SPEN: variants seen among roughly 807,000 people sequenced by gnomAD.
SPEN encodes the protein msx2-interacting protein.
In SPEN, 18 loss-of-function variants were observed where a neutral mutation model predicts 269.9. The observed-to-expected ratio is 0.07, with a 90% confidence interval of 0.05 to 0.10. The LOEUF (loss-of-function observed/expected upper bound fraction) is 0.10. Among genes scored for constraint, SPEN ranks in the 10% least tolerant of loss-of-function variants. The pLI, the probability that SPEN is intolerant of heterozygous loss-of-function variation, is 1.00. For missense variants in SPEN, 3,822 were observed against 4,631.2 expected (o/e 0.83, Z 5.07); for synonymous variants, 1,726 against 1,765.7 (o/e 0.98, Z 0.56).
chr1:15,853,742 C>T (rs1371810514), intron 1 of SPEN, among the ~76,000 whole-genome samples: 2 of 151,900 alleles, frequency 1.3e-5, no homozygotes, highest in Non-Finnish European at 1.5e-5. Flanking sequence ...GGTCTCAGCT[C>T]ACTGCAACCT....
chr1:15,929,468 T>C lies in SPEN; in HGVS notation c.3228T>C (p.Ser1076=). Residue 1076 remains serine (S), a synonymous_variant, in exon 11 of 15, where the codon TCT becomes TCC. Coordinates refer to ENST00000375759, the MANE Select transcript of SPEN (RefSeq NM_015001.3). The surrounding 1 kb of genome is among the most constrained non-coding windows in gnomAD (Gnocchi z 5.8). ...CQELASISVG[S]GSRPSSDLQA... ...AGCTTGCCAGTATTTCTGTTGGGTC[T>C]GGCTCAAGGCCCAGCTCAGACCTAC... is the stretch of plus-strand genomic sequence containing the variant. 1.9e-6 allele frequency: 3 copies of C among 1,613,414 alleles called. No homozygotes were observed. Among genetic ancestry groups the C allele is most frequent in the Non-Finnish European group, 2.5e-6 (3 of 1,179,680 alleles).
intron 10 of SPEN, among the ~76,000 whole-genome samples, chr1:15,923,207 C>A (rs1323457290): frequency 6.6e-6 from 1 of 152,194 alleles, no homozygotes; most frequent in East Asian, 1.9e-4. Flanking sequence ...ATGTGCAGGG[C>A]AAACCTGATT....
At chr1:15,909,661 G>A (rs190349395) in intron 4 of SPEN, among the ~76,000 whole-genome samples, 180 bp downstream of exon 4, 1 of 152,226 alleles carries the variant, frequency 6.6e-6, no homozygotes, top group African/African-American at 2.4e-5. Context: ...CTATTCTGTG[G>A]TCTCTACTGG....
intron 11 of SPEN, among the ~76,000 whole-genome samples, chr1:15,936,864 T>G (rs943673937): frequency 1.3e-5 from 2 of 152,158 alleles, no homozygotes; most frequent in Admixed American, 1.3e-4. Flanking sequence ...GATCTTTTCA[T>G]GAGTTTAAAG....
chr1:15,871,656 A>T (rs1200883089), intron 1 of SPEN, among the ~76,000 whole-genome samples: 1 of 152,236 alleles, frequency 6.6e-6, no homozygotes, highest in Non-Finnish European at 1.5e-5. Context: ...CCCTGGAGAA[A>T]GAAAATTAAG....
rs780314485 is a variant in SPEN at position 15,872,915 on chromosome 1, A to G, written c.183A>G (p.Lys61=). The G allele has an allele frequency of 5.0e-6, 8 of 1,599,908 alleles. No homozygotes were observed. The African/African-American group carries it at 9.4e-5, about 19-fold the overall frequency. The change falls in exon 2 of 15, where the codon AAA becomes AAG. Residue 61 remains lysine, a synonymous_variant. Transcript: ENST00000375759. ...TTGTGGACATCAAAAGTGCACAGAAAGCTCACAACTCGGTCAACAAAATGG... is the reference window on the plus strand; with the variant it reads ...TTGTGGACATCAAAAGTGCACAGAAGGCTCACAACTCGGTCAACAAAATGG... ...VDFVDIKSAQ[K]AHNSVNKMGD...
At chr1:15,901,387 A>T (rs937493211) in intron 3 of SPEN, among the ~76,000 whole-genome samples, 4 of 151,454 alleles carry the variant, frequency 2.6e-5, no homozygotes, top group Non-Finnish European at 5.9e-5. Context: ...TCATGCCTGT[A>T]ATGAGCCAGG....
intron 1 of SPEN, among the ~76,000 whole-genome samples, chr1:15,864,907 C>T (rs1037704476): frequency 4.6e-5 from 7 of 151,444 alleles, no homozygotes; most frequent in African/African-American, 1.7e-4. Context: ...TGCTTTGTTC[C>T]CCAGGTTGGT....
In SPEN at chr1:15,940,447, A is replaced by G. The variant is rs1294531222; in HGVS notation, c.*1020A>G. 2 of 228,822 alleles carry G rather than the reference A, an allele frequency of 8.7e-6. No homozygotes were observed. The highest frequency in any genetic ancestry group is 1.8e-4 in the South Asian group (1 of 5,492). 14.2% of individuals were successfully genotyped at this position (228,822 alleles called of 1,614,324 possible). On this transcript the variant is annotated 3_prime_UTR_variant, in exon 15 of 15. Coordinates refer to ENST00000375759, the MANE Select transcript of SPEN (RefSeq NM_015001.3). ...TGGATTACAAACTTTATTAAAAAATATAAAACACACCAAGTGTGAGTGTGA... is the reference window on the plus strand; with the variant it reads ...TGGATTACAAACTTTATTAAAAAATGTAAAACACACCAAGTGTGAGTGTGA...
At chr1:15,896,480 G>A (rs1319629187) in intron 3 of SPEN, among the ~76,000 whole-genome samples, 1 of 152,090 alleles carries the variant, frequency 6.6e-6, no homozygotes, top group Non-Finnish European at 1.5e-5. Context: ...ACAGGATTGA[G>A]CCACTATGCC....
rs765749217 is a variant in SPEN at position 15,934,314 on chromosome 1, G to A, written c.8074G>A (p.Val2692Ile). 8 of 1,613,864 alleles carry A rather than the reference G, an allele frequency of 5.0e-6. No homozygotes were observed. Among genetic ancestry groups the A allele is most frequent in the East Asian group, 2.2e-5 (1 of 44,898 alleles). ...GAGCACCCCTGCTGGGCCCGTGAAC[G>A]TCCTGAAAGGGCCTGTGAATGTTCT... ...LVSTPAGPVN[V>I]LKGPVNVLTG... Residue 2692 changes from valine to isoleucine, a missense_variant, in exon 11 of 15, where the codon GTC becomes ATC. Val to Ile is a conservative substitution (Grantham distance 29, BLOSUM62 3). This residue lies in a region of SPEN where 329 missense variants were observed against 431.2 expected (regional missense o/e 0.76). Coordinates refer to ENST00000375759, the MANE Select transcript of SPEN (RefSeq NM_015001.3). This position sits in a 1 kb window ranked among gnomAD's most constrained non-coding sequence, Gnocchi z 9.2.
intron 6 of SPEN, 132 bp downstream of exon 6, chr1:15,916,411 C>G: frequency 1.1e-6 from 1 of 938,166 alleles, no homozygotes; most frequent in Non-Finnish European, 1.5e-6. Flanking sequence ...TTAGCTCTTG[C>G]TAAAAGATAA....
intron 10 of SPEN, among the ~76,000 whole-genome samples, chr1:15,925,328 C>T (rs188669796): frequency 7.2e-5 from 11 of 152,280 alleles, no homozygotes; most frequent in African/African-American, 2.2e-4. Context: ...TTTGGATACT[C>T]TGTGGTTTTG....
rs2071260236 is a variant in SPEN, at chr1:15,935,002, C to T, written c.8762C>T (p.Thr2921Met). 1.2e-6 allele frequency: 2 copies of T among 1,613,862 alleles called. No individual in the cohort carries two copies. Among genetic ancestry groups the T allele is most frequent in the African/African-American group, 1.3e-5 (1 of 74,878 alleles). The change falls in exon 11 of 15, where the codon ACG (threonine) becomes ATG (methionine). Residue 2921 changes from threonine (T) to methionine (M), a missense_variant. Thr to Met is a moderately conservative substitution (Grantham distance 81). This residue lies in a region of SPEN where 20 missense variants were observed against 60.7 expected (regional missense o/e 0.33). Coordinates refer to ENST00000375759, the MANE Select transcript of SPEN (RefSeq NM_015001.3). The surrounding 1 kb of genome is among the most constrained non-coding windows in gnomAD (Gnocchi z 7.7). ...GAGCCCATTCACCTCTCGGTGTCCA[C>T]GCCTGTCACCCAGGGAGGCACAGTG... is the stretch of plus-strand genomic sequence containing the variant. ...KPEPIHLSVS[T>M]PVTQGGTVKV...
In SPEN at chr1:15,857,653, G is replaced by A. The variant is rs1279100822; in HGVS notation, c.83+9503G>A. Among the ~76,000 whole-genome samples the A allele has an allele frequency of 2.7e-5, 4 of 150,430 alleles. No individual in the cohort carries two copies. The South Asian group carries it at 6.3e-4, about 24-fold the overall frequency. ...ATTACAGGCGTGAGCCACCGTGCCC[G>A]GCCCCTATTTATTTATTTATTTTCA... On this transcript the variant is annotated intron_variant, in intron 1 of 14. Coordinates refer to ENST00000375759, the MANE Select transcript of SPEN (RefSeq NM_015001.3).
Position 15,929,502 on chromosome 1 carries a change from C to G in SPEN, c.3262C>G (p.Leu1088Val). ...GCCCAGCTCAGACCTACAAGCAAGACTGGGAGAACTAGCAGGTGAATCTGT... is the reference window on the plus strand; with the variant it reads ...GCCCAGCTCAGACCTACAAGCAAGAGTGGGAGAACTAGCAGGTGAATCTGT... ...SRPSSDLQARLGELAGESVEN... is the reference protein window; with the variant it reads ...SRPSSDLQARVGELAGESVEN... Residue 1088 changes from leucine to valine, a missense_variant, in exon 11 of 15, where the codon CTG becomes GTG. This residue lies in a region of SPEN where 572 missense variants were observed against 582.6 expected (regional missense o/e 0.98). Transcript: ENST00000375759. The surrounding 1 kb of genome is among the most constrained non-coding windows in gnomAD (Gnocchi z 5.8). 1.9e-6 allele frequency: 3 copies of G among 1,613,414 alleles called. No homozygotes were observed. The highest frequency in any genetic ancestry group is 2.5e-6 in the Non-Finnish European group (3 of 1,179,794).
intron 1 of SPEN, among the ~76,000 whole-genome samples, chr1:15,856,436 T>G (rs2070388747): frequency 6.6e-6 from 1 of 152,140 alleles, no homozygotes; most frequent in South Asian, 2.1e-4. Flanking sequence ...AAACTAATAG[T>G]AGTTGTGATT....
intron 1 of SPEN, among the ~76,000 whole-genome samples, chr1:15,851,155 T>G (rs2070331853): frequency 6.6e-6 from 1 of 152,204 alleles, no homozygotes. Flanking sequence ...TTAGTTTTGT[T>G]TGTTTGTTTG....
intron 10 of SPEN, among the ~76,000 whole-genome samples, chr1:15,923,352 A>G (rs984941740): frequency 6.6e-6 from 1 of 152,208 alleles, no homozygotes; most frequent in Non-Finnish European, 1.5e-5. Context: ...GAAAATGGAA[A>G]TTTGGTCCAT....
Sources: gnomAD v4.1 joint callset for allele counts (sites outside exome capture counted in the v4.1 genomes callset) on GRCh38, gnomAD v4.1.1 for gene constraint, gnomAD v4.1.1 regional missense constraint, Gnocchi (gnomAD v3.1) non-coding constraint, MANE v1.5 for transcripts, NCBI Gene and HGNC (gene_info 2026-07-23, HGNC 2026-07-21) for gene names.